Variants in HMGN5 observed in about 807,000 individuals in gnomAD.
HMGN5 encodes high mobility group nucleosome-binding domain-containing protein 5.
HMGN5 carries 4 observed loss-of-function variants against 9.5 expected under a neutral mutation model. The ratio of observed to expected loss-of-function variants is 0.42; its 90% confidence interval spans 0.21 to 0.96. The LOEUF (loss-of-function observed/expected upper bound fraction) is 0.96. HMGN5 is among the 40% of genes least tolerant of loss of function. The probability of loss-of-function intolerance (pLI) is 0.30; values close to 1 mark genes in which losing one functional copy is unlikely to be tolerated. For missense variants in HMGN5, 192 were observed against 187.5 expected, an observed-to-expected ratio of 1.02 and a Z score of -0.14; for synonymous variants, 55 against 57.1, an observed-to-expected ratio of 0.96 and a Z score of 0.16.
intron 1 of HMGN5, among the ~76,000 whole-genome samples, chrX:81,160,261 A>G (rs1408327406): frequency 8.9e-6 from 1 of 112,365 alleles, no homozygotes; most frequent in East Asian, 2.8e-4. Context: ...TAGAAATCCC[A>G]GAAAATTTAC....
chrX:81,120,869 TC>T (rs1248665375), intron 2 of HMGN5, among the ~76,000 whole-genome samples: 1 of 110,943 alleles, frequency 9.0e-6, no homozygotes, highest in East Asian at 2.8e-4. Context: ...AGCAAGTTTA[TC>T]CGACGCTGTC....
chrX:81,114,611 G>T lies in HMGN5; in HGVS notation c.*38C>A, dbSNP rs1190741120. The stretch of plus-strand genomic sequence containing the variant: ...TCTCTATTAACTTTACAACATGAAG[G>T]TACATGTTACCAAATTATGAAACTA... On this transcript the variant is annotated 3_prime_UTR_variant, in exon 7 of 7. Coordinates refer to ENST00000358130, the MANE Select transcript of HMGN5 (RefSeq NM_030763.3). 2.9e-6 allele frequency: 3 copies of T among 1,050,417 alleles called. No homozygotes were observed. The highest frequency in any genetic ancestry group is 1.9e-5 in the African/African-American group (1 of 51,817). The allele number at this position is 1,050,417 out of a possible 1,213,427, so 86.6% of individuals were successfully genotyped here. A position where few individuals can be genotyped will look rare whatever the true frequency, so the allele number is the denominator to read the frequency against.
chrX:81,147,073 A>AG (rs2147558903), intron 1 of HMGN5, among the ~76,000 whole-genome samples: 1 of 111,969 alleles, frequency 8.9e-6, no homozygotes, highest in East Asian at 2.8e-4. Flanking sequence ...AGAGGTACAA[A>AG]GAGGAGCTGG....
chrX:81,135,631 A>C (rs2075309109), intron 1 of HMGN5, among the ~76,000 whole-genome samples: 1 of 111,277 alleles, frequency 9.0e-6, no homozygotes, highest in African/African-American at 3.3e-5. Flanking sequence ...CAGATCAGGC[A>C]AATCAATAGA....
chrX:81,167,414 A>G (rs948402733), intron 1 of HMGN5, among the ~76,000 whole-genome samples: 1 of 110,494 alleles, frequency 9.1e-6, no homozygotes, highest in Admixed American at 9.7e-5. Context: ...TCCACAAATG[A>G]AATACATTTT....
In HMGN5 at chrX:81,118,502, GA is replaced by G; in HGVS notation, c.76-18del. The G allele has an allele frequency of 3.6e-6, 4 of 1,109,456 alleles. No homozygotes were observed. The highest frequency in any genetic ancestry group is 2.6e-5 in the Admixed American group (1 of 38,000). 91.4% of individuals were successfully genotyped at this position (1,109,456 alleles called of 1,213,427 possible). A position where few individuals can be genotyped will look rare whatever the true frequency, so the allele number is the denominator to read the frequency against. ...CACAAGCATCTGCTTCAAGTTGTGG[GA>G]AAAGAAAAGAAAAGGAAAAAAATCA... On this transcript the variant is annotated intron_variant, in intron 4 of 6. Transcript: ENST00000358130.
At chrX:81,200,019 A>G (rs1258901650) in intron 1 of HMGN5, among the ~76,000 whole-genome samples, 3 of 112,358 alleles carry the variant, frequency 2.7e-5, no homozygotes, top group Non-Finnish European at 5.6e-5. Context: ...AAGAACTTAA[A>G]CAAATTTACA....
chrX:81,126,030 C>T (rs1437226461), intron 1 of HMGN5, among the ~76,000 whole-genome samples: 2 of 108,087 alleles, frequency 1.9e-5, no homozygotes, highest in Non-Finnish European at 3.8e-5. Flanking sequence ...TGCCTGTAAT[C>T]TCAGCTACTT....
intron 1 of HMGN5, among the ~76,000 whole-genome samples, chrX:81,158,650 C>A (rs868183026): frequency 7.1e-5 from 8 of 112,315 alleles, no homozygotes; most frequent in African/African-American, 2.3e-4. Context: ...TTTTGCTGTG[C>A]AGAAGCTCTT....
chrX:81,148,425 C>A (rs1035169287), intron 1 of HMGN5, among the ~76,000 whole-genome samples: 4 of 111,346 alleles, frequency 3.6e-5, no homozygotes, highest in African/African-American at 9.8e-5. Context: ...ACTGGCTAGC[C>A]ATATGCAGAA....
At chrX:81,140,559 C>CAA (rs1227925535) in intron 1 of HMGN5, among the ~76,000 whole-genome samples, 70 of 33,523 alleles carry the variant, frequency 2.1e-3, no homozygotes, top group African/African-American at 3.9e-3. Flanking sequence ...GACTCTGTCT[C>CAA]AAAAAAAAAA....
At chrX:81,138,473 T>C (rs2075317948) in intron 1 of HMGN5, among the ~76,000 whole-genome samples, 1 of 111,531 alleles carries the variant, frequency 9.0e-6, no homozygotes, top group Non-Finnish European at 1.9e-5. Flanking sequence ...CTGAGCCAGT[T>C]AGCAATAGAG....
chrX:81,165,134 G>A, intron 1 of HMGN5, among the ~76,000 whole-genome samples: 1 of 111,053 alleles, frequency 9.0e-6, no homozygotes, highest in Non-Finnish European at 1.9e-5. Context: ...TTCAGTATGG[G>A]CTACCTTCTC....
chrX:81,168,927 C>T (rs988435534), intron 1 of HMGN5, among the ~76,000 whole-genome samples: 1 of 111,108 alleles, frequency 9.0e-6, no homozygotes, highest in East Asian at 2.8e-4. Flanking sequence ...AACAGAGACA[C>T]TAAGCTAGAG....
chrX:81,154,415 A>G (rs1210571316), intron 1 of HMGN5, among the ~76,000 whole-genome samples: 1 of 111,510 alleles, frequency 9.0e-6, no homozygotes, highest in Non-Finnish European at 1.9e-5. Flanking sequence ...AACTAATACA[A>G]AGAAACACTG....
chrX:81,143,553 C>T (rs755336364), intron 1 of HMGN5, among the ~76,000 whole-genome samples: 6 of 112,259 alleles, frequency 5.3e-5, no homozygotes, highest in Admixed American at 2.8e-4. Flanking sequence ...TTGCCTCACC[C>T]GGGAAATGCA....
chrX:81,119,036 AG>A (rs1426387559), intron 3 of HMGN5, among the ~76,000 whole-genome samples: 2 of 112,063 alleles, frequency 1.8e-5, no homozygotes, highest in Non-Finnish European at 3.8e-5. Context: ...ATGAAAATAT[AG>A]CCTTTTCTTG....
intron 1 of HMGN5, among the ~76,000 whole-genome samples, chrX:81,189,617 C>T (rs1050082586): frequency 8.9e-6 from 1 of 112,311 alleles, no homozygotes; most frequent in Admixed American, 9.5e-5. Flanking sequence ...CACAGTTAAT[C>T]TATTCATTCA....
At chrX:81,116,479 C>A (rs908657487) in intron 5 of HMGN5, 138 bp from the exon 6 acceptor site, 14 of 397,106 alleles carry the variant, frequency 3.5e-5, no homozygotes, top group African/African-American at 3.3e-4. Flanking sequence ...CTGGTATCAA[C>A]AAAATTATCA....
Sources: gnomAD v4.1 joint callset for allele counts (sites outside exome capture counted in the v4.1 genomes callset) on GRCh38, gnomAD v4.1.1 for gene constraint, MANE v1.5 for transcripts, NCBI Gene and HGNC (gene_info 2026-07-23, HGNC 2026-07-21) for gene names.